The following TMEM132C variants were observed in gnomAD, a reference collection of about 807,000 sequenced individuals.
TMEM132C encodes the protein transmembrane protein 132C.
A neutral mutation model predicts 61.4 loss-of-function variants in TMEM132C; 29 were observed. That is an observed-to-expected ratio of 0.47 (90% CI 0.35 to 0.64). The LOEUF (loss-of-function observed/expected upper bound fraction) is 0.64. TMEM132C is among the 30% of genes least tolerant of loss of function. The pLI, the probability that TMEM132C is intolerant of heterozygous loss-of-function variation, is 0.00. For missense variants in TMEM132C, 1,408 were observed against 1,476.9 expected, an observed-to-expected ratio of 0.95 and a Z score of 0.76; for synonymous variants, 656 against 633.1, an observed-to-expected ratio of 1.04 and a Z score of -0.54.
rs184319222 is a variant in TMEM132C at position 128,582,915 on chromosome 12, T to C, written c.1122-33237T>C. Among the ~76,000 whole-genome samples the C allele has an allele frequency of 1.2e-3, 183 of 152,248 alleles. 1 individual carries two copies. Among genetic ancestry groups the C allele is most frequent in the African/African-American group, 4.1e-3 (172 of 41,558 alleles). Reference sequence around the variant, plus strand: ...TCGGCCTCCCAAAGTGCTGAGATTATAAGCATGAGCCATGGTGCCCAGCCC... The same window carrying C: ...TCGGCCTCCCAAAGTGCTGAGATTACAAGCATGAGCCATGGTGCCCAGCCC... On this transcript the variant is annotated intron_variant, in intron 3 of 8. Transcript: ENST00000435159.
chr12:128,377,050 C>T (rs1455984183), intron 1 of TMEM132C, among the ~76,000 whole-genome samples: 1 of 149,576 alleles, frequency 6.7e-6, no homozygotes, highest in Non-Finnish European at 1.5e-5. Context: ...TTACCATGTG[C>T]TTTCTTGATT....
intron 2 of TMEM132C, among the ~76,000 whole-genome samples, chr12:128,483,366 C>T (rs1361247165): frequency 8.5e-5 from 6 of 70,876 alleles, no homozygotes; most frequent in African/African-American, 3.3e-4. Context: ...ACAAGACAAG[C>T]AGCCGAAGGG....
intron 4 of TMEM132C, among the ~76,000 whole-genome samples, chr12:128,616,880 T>G (rs1439703771): frequency 6.6e-6 from 1 of 152,204 alleles, no homozygotes; most frequent in African/African-American, 2.4e-5. Context: ...ACTCTTAGAT[T>G]ACTGTTAGTA....
At chr12:128,675,624 T>G (rs751949779) in intron 5 of TMEM132C, among the ~76,000 whole-genome samples, 17 of 152,192 alleles carry the variant, frequency 1.1e-4, no homozygotes, top group Non-Finnish European at 1.9e-4. Flanking sequence ...TCTCTCTCTC[T>G]CTTTCTCTCT....
intron 2 of TMEM132C, among the ~76,000 whole-genome samples, chr12:128,525,362 C>A (rs549110944): frequency 6.6e-6 from 1 of 151,694 alleles, no homozygotes; most frequent in Non-Finnish European, 1.5e-5. Context: ...CTCTCTCTCT[C>A]CCTCCTTTGA....
At position 128,613,740 on chromosome 12, in the gene TMEM132C, C is replaced by A. The variant is rs1876710858; in HGVS notation, c.1122-2412C>A. 2.0e-5 allele frequency among the ~76,000 whole-genome samples: 3 copies of A among 152,168 alleles called. No individual in the cohort carries two copies. In the South Asian group the frequency reaches 6.2e-4, roughly 32 times the overall value. On this transcript the variant is annotated intron_variant, in intron 3 of 8. Coordinates refer to ENST00000435159, the MANE Select transcript of TMEM132C (RefSeq NM_001136103.3). The stretch of plus-strand genomic sequence containing the variant: ...CCTTCCCGTTATATCCTTCCCCAGC[C>A]ACTGAGCAGGACTGAGGGTGATGTG...
At chr12:128,280,317 C>T (rs141713089) in intron 1 of TMEM132C, among the ~76,000 whole-genome samples, 53 of 152,190 alleles carry the variant, frequency 3.5e-4, no homozygotes, top group East Asian at 1.2e-3. Context: ...TTCAAGTCGC[C>T]GACTTTATTT....
intron 5 of TMEM132C, among the ~76,000 whole-genome samples, chr12:128,676,940 A>G (rs933162097): frequency 6.6e-6 from 1 of 152,198 alleles, no homozygotes; most frequent in Non-Finnish European, 1.5e-5. Context: ...AATGGGAGAG[A>G]ACCCTGGATG....
In TMEM132C at chr12:128,657,003, G is replaced by A. The variant is rs564316498; in HGVS notation, c.1306-12414G>A. On this transcript the variant is annotated intron_variant, in intron 4 of 8. Coordinates refer to ENST00000435159, the MANE Select transcript of TMEM132C (RefSeq NM_001136103.3). Reference sequence around the variant, plus strand: ...ACACCAGGCAGGCATCTTCTCCTGCGTCTTCTCCAAAATCTCTTCCTAGAA... The same window carrying A: ...ACACCAGGCAGGCATCTTCTCCTGCATCTTCTCCAAAATCTCTTCCTAGAA... Among the ~76,000 whole-genome samples, 283 of 152,160 alleles carry A rather than the reference G, an allele frequency of 1.9e-3. 2 individuals carry two copies. Among genetic ancestry groups the A allele is most frequent in the Middle Eastern group, 3.4e-3 (1 of 294 alleles).
At chr12:128,287,778 T>C (rs1158175225) in intron 1 of TMEM132C, among the ~76,000 whole-genome samples, 1 of 152,238 alleles carries the variant, frequency 6.6e-6, no homozygotes, top group Non-Finnish European at 1.5e-5. Context: ...CATCTCATGC[T>C]GTGCTTCCTT....
intron 2 of TMEM132C, among the ~76,000 whole-genome samples, chr12:128,530,970 G>T (rs1873274547): frequency 6.6e-6 from 1 of 152,186 alleles, no homozygotes; most frequent in Non-Finnish European, 1.5e-5. Flanking sequence ...AAATGTAACA[G>T]CCAGAACACC....
chr12:128,472,873 T>C (rs573559711), intron 2 of TMEM132C, among the ~76,000 whole-genome samples: 7 of 152,296 alleles, frequency 4.6e-5, no homozygotes, highest in African/African-American at 1.7e-4. Context: ...GGAGCCCACA[T>C]ATATATGAAG....
At chr12:128,310,326 G>A (rs535405432) in intron 1 of TMEM132C, among the ~76,000 whole-genome samples, 1 of 152,290 alleles carries the variant, frequency 6.6e-6, no homozygotes, top group South Asian at 2.1e-4. Flanking sequence ...GTCTGTTCTT[G>A]CATTGCTACA....
rs141116191 is a variant in TMEM132C at position 128,403,079 on chromosome 12, A to G, written c.86-11653A>G. ...CCGCGCTATGTAATTTCAGCAAAGG[A>G]TATTCAGGCTTTGTTCAGAAGAGGC... is the stretch of plus-strand genomic sequence containing the variant. On this transcript the variant is annotated intron_variant, in intron 1 of 8. Transcript: ENST00000435159. 2.0e-5 allele frequency among the ~76,000 whole-genome samples: 3 copies of G among 152,330 alleles called. No individual in the cohort carries two copies. The East Asian group carries it at 5.8e-4, about 29-fold the overall frequency.
At chr12:128,338,978 T>G (rs1214610351) in intron 1 of TMEM132C, among the ~76,000 whole-genome samples, 1 of 152,084 alleles carries the variant, frequency 6.6e-6, no homozygotes, top group Non-Finnish European at 1.5e-5. Context: ...AAGGAGGACT[T>G]AACTTAAGCA....
chr12:128,283,315 C>T (rs923102800), intron 1 of TMEM132C, among the ~76,000 whole-genome samples: 4 of 152,120 alleles, frequency 2.6e-5, no homozygotes, highest in African/African-American at 9.7e-5. Context: ...TCATCTGTAC[C>T]TTCCCTGCCC....
At chr12:128,308,881 C>T (rs1352661170) in intron 1 of TMEM132C, among the ~76,000 whole-genome samples, 4 of 152,150 alleles carry the variant, frequency 2.6e-5, no homozygotes, top group African/African-American at 9.7e-5. Flanking sequence ...GGTTCAGTTA[C>T]CTTCTCTCCC....
intron 1 of TMEM132C, among the ~76,000 whole-genome samples, chr12:128,324,791 GCAGCC>G (rs1295373575): frequency 1.3e-5 from 2 of 152,052 alleles, no homozygotes; most frequent in Non-Finnish European, 2.9e-5. Flanking sequence ...TTGTACCACT[GCAGCC>G]CAGCCTGGGT....
rs892706552 is a variant in TMEM132C at position 128,267,337 on chromosome 12, C to T, written c.-66C>T. 5 of 959,958 alleles carry T rather than the reference C, an allele frequency of 5.2e-6. No homozygotes were observed. The highest frequency in any genetic ancestry group is 3.6e-5 in the African/African-American group (2 of 56,016). 59.5% of individuals were successfully genotyped at this position (959,958 alleles called of 1,614,324 possible). ...GTGGCCCCGGGCATGGGGCGGCCGG[C>T]GGGGGCCGCGGGCGGGCGCTGCGCT... On this transcript the variant is annotated 5_prime_UTR_variant, in exon 1 of 9. Coordinates refer to ENST00000435159, the MANE Select transcript of TMEM132C (RefSeq NM_001136103.3).
Sources: allele counts gnomAD v4.1 joint callset (sites outside exome capture counted in the v4.1 genomes callset), GRCh38; gene constraint gnomAD v4.1.1; transcripts MANE v1.5; gene names NCBI Gene and HGNC (gene_info 2026-07-23, HGNC 2026-07-21).